The following ESYT2 variants were observed in gnomAD, a reference collection of about 807,000 sequenced individuals.
The protein encoded by ESYT2 is extended synaptotagmin-2.
ESYT2 carries 54 observed loss-of-function variants against 107.2 expected under a neutral mutation model. The observed-to-expected ratio is 0.50, with a 90% CI of 0.40 to 0.63. The LOEUF is 0.63. Among genes scored for constraint, ESYT2 ranks in the 30% least tolerant of loss-of-function variants. ESYT2 has a pLI of 0.00. For missense variants in ESYT2, 1,020 were observed against 1,094.5 expected (o/e 0.93, Z 0.96); for synonymous variants, 491 against 434.1 (o/e 1.13, Z -1.63).
chr7:158,758,293 C>CTG (rs1490153814), intron 13 of ESYT2, among the ~76,000 whole-genome samples: 6 of 152,208 alleles, frequency 3.9e-5, no homozygotes, highest in African/African-American at 9.7e-5. Flanking sequence ...TACTTCATTT[C>CTG]TGTGCAAAGC....
At chr7:158,756,674 C>T (rs904991326) in intron 13 of ESYT2, among the ~76,000 whole-genome samples, 4 of 151,762 alleles carry the variant, frequency 2.6e-5, no homozygotes, top group East Asian at 1.9e-4. Flanking sequence ...TTTGGGAGGC[C>T]GAGGGGGGTG....
intron 1 of ESYT2, among the ~76,000 whole-genome samples, chr7:158,815,840 C>T (rs991696986): frequency 3.9e-5 from 6 of 152,198 alleles, no homozygotes; most frequent in Non-Finnish European, 7.3e-5. Flanking sequence ...CCACTAAGAG[C>T]ACAGTCCATT....
chr7:158,813,818 A>C (rs554100085), intron 1 of ESYT2, among the ~76,000 whole-genome samples: 1 of 152,188 alleles, frequency 6.6e-6, no homozygotes, highest in South Asian at 2.1e-4. Flanking sequence ...CAGATCAAAA[A>C]CATTTTAAAA....
intron 3 of ESYT2, among the ~76,000 whole-genome samples, chr7:158,796,269 A>G (rs1839454966): frequency 6.6e-6 from 1 of 152,262 alleles, no homozygotes; most frequent in Admixed American, 6.5e-5. Flanking sequence ...ATTTAAAAAT[A>G]GAAAAAGAAA....
chr7:158,804,561 T>C (rs2657315), intron 1 of ESYT2, among the ~76,000 whole-genome samples: 97,713 of 139,068 alleles, frequency 0.7, 34,473 homozygotes, highest in Middle Eastern at 0.79. Flanking sequence ...GGGTGAGGCG[T>C]GTGATAAACC....
intron 15 of ESYT2, among the ~76,000 whole-genome samples, chr7:158,748,912 G>T (rs1837495156): frequency 6.6e-6 from 1 of 151,362 alleles, no homozygotes; most frequent in South Asian, 2.1e-4. Context: ...AAGGAAAGTA[G>T]AACATATTAC....
In ESYT2 at chr7:158,763,079, T is replaced by C. The variant is rs1448778456; in HGVS notation, c.1184+4A>G. On this transcript the variant is annotated splice_donor_region_variant and intron_variant, in intron 10 of 22. Coordinates refer to ENST00000275418, the MANE Select transcript of ESYT2 (RefSeq NM_001367773.1). ...CTCCAATAACCACAATGGGCTTTAT[T>C]TACCTTCCTAAAAAGTCATCCTTGT... 3 of 1,611,450 alleles carry C rather than the reference T, an allele frequency of 1.9e-6. No individual in the cohort carries two copies. The highest frequency in any genetic ancestry group is 2.5e-6 in the Non-Finnish European group (3 of 1,178,162).
At chr7:158,792,094 T>C (rs766818419) in intron 4 of ESYT2, among the ~76,000 whole-genome samples, 17 of 152,106 alleles carry the variant, frequency 1.1e-4, no homozygotes, top group Non-Finnish European at 2.1e-4. Context: ...AAAAATGCAA[T>C]TGATTTTAGT....
At chr7:158,791,937 A>G (rs761310478) in intron 4 of ESYT2, among the ~76,000 whole-genome samples, 12 of 149,102 alleles carry the variant, frequency 8.0e-5, no homozygotes, top group Non-Finnish European at 1.5e-4. Flanking sequence ...ATGTTTTTCT[A>G]TTTATTTGTA....
At chr7:158,760,228 C>A in intron 11 of ESYT2, 81 bp from the exon 12 acceptor site, 3 of 1,270,444 alleles carry the variant, frequency 2.4e-6, no homozygotes, top group South Asian at 2.5e-5. Flanking sequence ...TACAAATGTT[C>A]CATGCTGCTC....
intron 1 of ESYT2, among the ~76,000 whole-genome samples, chr7:158,808,979 A>AAAC (rs1027101923): frequency 6.6e-6 from 1 of 151,990 alleles, no homozygotes; most frequent in African/African-American, 2.4e-5. Context: ...CTATCTCAGA[A>AAAC]AACAACAACA....
In ESYT2 at chr7:158,769,574, C is replaced by A. The variant is rs990563393; in HGVS notation, c.804-1800G>T. ...TTTCCCTGTGTGTCCTTCGGAACCA[C>A]GACTACTCATCACCCGTATTTTGTT... is the stretch of plus-strand genomic sequence containing the variant. On this transcript the variant is annotated intron_variant, in intron 7 of 22. Coordinates refer to ENST00000275418, the MANE Select transcript of ESYT2 (RefSeq NM_001367773.1). Among the ~76,000 whole-genome samples the A allele has an allele frequency of 3.3e-5, 5 of 152,366 alleles. No individual in the cohort carries two copies. The East Asian group carries it at 9.6e-4, about 29-fold the overall frequency.
At chr7:158,784,593 G>A (rs1365380019) in intron 6 of ESYT2, among the ~76,000 whole-genome samples, 1 of 152,232 alleles carries the variant, frequency 6.6e-6, no homozygotes, top group East Asian at 1.9e-4. Flanking sequence ...AGAGAGTCAC[G>A]AAGGCTTTCG....
chr7:158,739,504 G>A (rs1263019768), intron 18 of ESYT2, among the ~76,000 whole-genome samples: 1 of 151,978 alleles, frequency 6.6e-6, no homozygotes, highest in Non-Finnish European at 1.5e-5. Context: ...CCGCCACCAC[G>A]CCCAGCTAAT....
At chr7:158,782,735 G>A (rs958177942) in intron 6 of ESYT2, among the ~76,000 whole-genome samples, 4 of 152,088 alleles carry the variant, frequency 2.6e-5, no homozygotes, top group Non-Finnish European at 4.4e-5. Flanking sequence ...AATGAGTATG[G>A]AAGCTCAAGC....
At chr7:158,828,755 C>G (rs1017687648) in intron 1 of ESYT2, among the ~76,000 whole-genome samples, 1 of 150,666 alleles carries the variant, frequency 6.6e-6, no homozygotes, top group Non-Finnish European at 1.5e-5. Flanking sequence ...GGCCGGAGGC[C>G]GGGGCGGGGC....
At chr7:158,737,744 A>G (rs1837018521) in intron 19 of ESYT2, among the ~76,000 whole-genome samples, 1 of 152,216 alleles carries the variant, frequency 6.6e-6, no homozygotes, top group African/African-American at 2.4e-5. Context: ...ACTGAACTCT[A>G]CATTTTTATC....
intron 4 of ESYT2, among the ~76,000 whole-genome samples, chr7:158,791,600 G>A (rs1182911009): frequency 6.6e-6 from 1 of 152,170 alleles, no homozygotes; most frequent in African/African-American, 2.4e-5. Context: ...GGTTTCTTTT[G>A]ACAGTAGCCT....
intron 1 of ESYT2, among the ~76,000 whole-genome samples, chr7:158,821,851 T>C (rs970682018): frequency 6.6e-6 from 1 of 152,208 alleles, no homozygotes; most frequent in African/African-American, 2.4e-5. Flanking sequence ...CTGTTGCCAC[T>C]GAACGTAAGG....
Sources: gnomAD v4.1 joint callset for allele counts (sites outside exome capture counted in the v4.1 genomes callset) on GRCh38, gnomAD v4.1.1 for gene constraint, MANE v1.5 for transcripts, NCBI Gene and HGNC (gene_info 2026-07-23, HGNC 2026-07-21) for gene names.